Variants in SCAP observed in about 807,000 individuals in gnomAD.
SCAP encodes sterol regulatory element-binding protein cleavage-activating protein.
Under a neutral mutation model 123.6 loss-of-function variants are expected in SCAP, and 65 were observed. The ratio of observed to expected loss-of-function variants is 0.53; its 90% CI spans 0.43 to 0.65. The LOEUF (loss-of-function observed/expected upper bound fraction) is 0.65. Ranked by LOEUF, SCAP falls within the 30% of genes least tolerant of loss-of-function variation. The pLI is 0.00. For missense variants in SCAP, 1,398 were observed against 1,712.5 expected (o/e 0.82, Z 3.24); for synonymous variants, 740 against 726.3 (o/e 1.02, Z -0.30).
At chr3:47,440,710 A>G (rs753896397) in intron 2 of SCAP, among the ~76,000 whole-genome samples, 1 of 152,072 alleles carries the variant, frequency 6.6e-6, no homozygotes, top group Non-Finnish European at 1.5e-5. Context: ...CTCTACTAAA[A>G]ATACAAAAAA....
In SCAP at chr3:47,421,335, T is replaced by G. The variant is rs1022072332; in HGVS notation, c.1246-306A>C. 4.0e-5 allele frequency: 13 copies of G among 326,268 alleles called. 1 individual carries two copies. Among genetic ancestry groups the G allele is most frequent in the South Asian group, 3.8e-4 (12 of 31,190 alleles). The allele number at this position is 326,268 out of a possible 1,614,324, so 20.2% of individuals were successfully genotyped here. The stretch of plus-strand genomic sequence containing the variant: ...GAAGGCCTGATCCAACCCGGAAACC[T>G]CTAAGCCCCACCAGCCTGCTCCCCA... On this transcript the variant is annotated intron_variant, in intron 10 of 22. Coordinates refer to ENST00000265565, the MANE Select transcript of SCAP (RefSeq NM_012235.4).
At chr3:47,434,217 G>C (rs1706478836) in intron 3 of SCAP, among the ~76,000 whole-genome samples, 1 of 152,208 alleles carries the variant, frequency 6.6e-6, no homozygotes. Context: ...AGAGAGAAGG[G>C]GGAGGAGAGC....
At chr3:47,428,198 C>T (rs569584010) in intron 4 of SCAP, among the ~76,000 whole-genome samples, 99 of 152,254 alleles carry the variant, frequency 6.5e-4, no homozygotes, top group South Asian at 1.5e-3. Flanking sequence ...AGAGACACCA[C>T]CATTACATTC....
intron 2 of SCAP, among the ~76,000 whole-genome samples, chr3:47,435,461 T>C (rs969706359): frequency 2.4e-4 from 29 of 118,756 alleles, no homozygotes; most frequent in African/African-American, 9.6e-4. Context: ...ACATATATAA[T>C]ATAAACATAC....
chr3:47,428,453 G>A, intron 4 of SCAP, 60 bp downstream of exon 4: 1 of 1,557,030 alleles, frequency 6.4e-7, no homozygotes, highest in Non-Finnish European at 8.8e-7. Flanking sequence ...ACTGAGGACT[G>A]TAACTCTCCC....
At chr3:47,422,388 G>T (rs372818198) in intron 10 of SCAP, 54 bp downstream of exon 10, 1 of 1,499,706 alleles carries the variant, frequency 6.7e-7, no homozygotes, top group African/African-American at 1.4e-5. Context: ...GCACAGCTGG[G>T]GAGCACAGCA....
chr3:47,420,402 A>G lies in SCAP; in HGVS notation c.1563+152T>C. ...AGCCACTAGGGTCTGGGCAGGGAGG[A>G]CACAACGGGCAACTCCCCAGAGCCA... On this transcript the variant is annotated intron_variant, in intron 12 of 22. Transcript: ENST00000265565. The surrounding 1 kb of genome is among the most constrained non-coding windows in gnomAD (Gnocchi z 5.0). 1 of 673,048 alleles carries G rather than the reference A, an allele frequency of 1.5e-6. No individual in the cohort carries two copies. Among genetic ancestry groups the G allele is most frequent in the Non-Finnish European group, 2.5e-6 (1 of 404,236 alleles). 41.7% of individuals were successfully genotyped at this position (673,048 alleles called of 1,614,324 possible). A position where few individuals can be genotyped will look rare whatever the true frequency, so the allele number is the denominator to read the frequency against.
Position 47,414,387 on chromosome 3 carries a change from C to A in SCAP, c.3388-1G>T. On this transcript the variant is annotated splice_acceptor_variant, in intron 21 of 22. Transcript: ENST00000265565. LOFTEE classifies it high-confidence loss of function. ...GTCCTCCACTGGCCAGCACCATGGTCTGGGGAAACAGGCCAGGGGAGTGGG... is the reference window on the plus strand; with the variant it reads ...GTCCTCCACTGGCCAGCACCATGGTATGGGGAAACAGGCCAGGGGAGTGGG... 6.2e-7 allele frequency: 1 copy of A among 1,612,596 alleles called. No individual in the cohort carries two copies.
intron 1 of SCAP, among the ~76,000 whole-genome samples, chr3:47,446,099 C>T (rs1313071370): frequency 2.6e-5 from 4 of 151,134 alleles, no homozygotes; most frequent in Non-Finnish European, 5.9e-5. Flanking sequence ...TGGTCTCAAT[C>T]TCTTGACCTC....
chr3:47,427,711 C>T, intron 4 of SCAP, 44 bp from the exon 5 acceptor site: 1 of 1,512,388 alleles, frequency 6.6e-7, no homozygotes, highest in Non-Finnish European at 9.1e-7. Flanking sequence ...TCTGCCACCA[C>T]AGGGCAGACC....
chr3:47,429,473 A>AG (rs1245584098), intron 3 of SCAP, among the ~76,000 whole-genome samples: 2 of 152,174 alleles, frequency 1.3e-5, no homozygotes, highest in African/African-American at 4.8e-5. Context: ...CCACCCACCA[A>AG]GTAGCTGAGA....
At position 47,420,914 on chromosome 3, in the gene SCAP, G is replaced by A. The variant is rs140472469; in HGVS notation, c.1344+17C>T. The A allele has an allele frequency of 1.9e-6, 3 of 1,609,226 alleles. No individual in the cohort carries two copies. Among genetic ancestry groups the A allele is most frequent in the Non-Finnish European group, 1.7e-6 (2 of 1,175,832 alleles). ...GGGCTGAGGAGGCGGGCAGGGCAGG[G>A]CTCAGCCCACTCCTACCTCCATCCG... is the stretch of plus-strand genomic sequence containing the variant. On this transcript the variant is annotated intron_variant, in intron 11 of 22. Coordinates refer to ENST00000265565, the MANE Select transcript of SCAP (RefSeq NM_012235.4). This position sits in a 1 kb window ranked among gnomAD's most constrained non-coding sequence, Gnocchi z 5.0.
chr3:47,427,875 C>G (rs951814185), intron 4 of SCAP, among the ~76,000 whole-genome samples: 2 of 152,192 alleles, frequency 1.3e-5, no homozygotes, highest in Non-Finnish European at 2.9e-5. Context: ...CAAAGTGCAT[C>G]TGAAGCCCAA....
intron 1 of SCAP, chr3:47,470,001 C>T (rs1235282411): frequency 4.6e-5 from 15 of 328,066 alleles, no homozygotes; most frequent in African/African-American, 1.3e-4. Context: ...CCAAGGCATT[C>T]GAACAAAATA....
intron 1 of SCAP, 167 bp from the exon 2 acceptor site, chr3:47,443,258 A>T: frequency 4.0e-6 from 1 of 249,456 alleles, no homozygotes. Flanking sequence ...ACACACACAC[A>T]CACACACACA....
At chr3:47,442,696 TTATTA>T (rs1167319248) in intron 2 of SCAP, among the ~76,000 whole-genome samples, 171 bp downstream of exon 2, 1 of 152,190 alleles carries the variant, frequency 6.6e-6, no homozygotes, top group African/African-American at 2.4e-5. Flanking sequence ...CAGGACTATT[TTATTA>T]TATTAGCTAA....
At position 47,439,658 on chromosome 3, in the gene SCAP, G is replaced by A. The variant is rs1419034182; in HGVS notation, c.122+3214C>T. Reference sequence around the variant, plus strand: ...CTGGGCTGCTGCTGGGACATATCCTGGGCCCAGTGGTCTAACCTCCAAGAG... The same window carrying A: ...CTGGGCTGCTGCTGGGACATATCCTAGGCCCAGTGGTCTAACCTCCAAGAG... On this transcript the variant is annotated intron_variant, in intron 2 of 22. Coordinates refer to ENST00000265565, the MANE Select transcript of SCAP (RefSeq NM_012235.4). This position sits in a 1 kb window ranked among gnomAD's most constrained non-coding sequence, Gnocchi z 4.0. 6.6e-6 allele frequency among the ~76,000 whole-genome samples: 1 copy of A among 152,112 alleles called. No homozygotes were observed. The highest frequency in any genetic ancestry group is 2.1e-4 in the South Asian group (1 of 4,828).
At chr3:47,443,638 G>A (rs1367803555) in intron 1 of SCAP, among the ~76,000 whole-genome samples, 1 of 152,190 alleles carries the variant, frequency 6.6e-6, no homozygotes, top group African/African-American at 2.4e-5. Context: ...TTAGGTCTCT[G>A]ACATAATGGT....
intron 18 of SCAP, among the ~76,000 whole-genome samples, chr3:47,416,445 T>G (rs1466774674): frequency 6.6e-6 from 1 of 152,084 alleles, no homozygotes; most frequent in East Asian, 1.9e-4. Context: ...TAACTAAAAA[T>G]GCAACCAAGA....
Sources: allele counts gnomAD v4.1 joint callset (sites outside exome capture counted in the v4.1 genomes callset), GRCh38; gene constraint gnomAD v4.1.1; non-coding constraint Gnocchi (gnomAD v3.1); transcripts MANE v1.5; gene names NCBI Gene and HGNC (gene_info 2026-07-23, HGNC 2026-07-21).